COL14A1: variants seen among roughly 807,000 people sequenced by gnomAD.
COL14A1 encodes the protein collagen type XIV alpha 1 chain, also known as collagen alpha-1(XIV) chain.
In COL14A1, 136 loss-of-function variants were observed where a neutral mutation model predicts 230.3. That is an observed-to-expected ratio of 0.59 (90% confidence interval 0.51 to 0.68). The LOEUF is 0.68. Among genes scored for constraint, COL14A1 ranks in the 30% least tolerant of loss-of-function variants. COL14A1 has a pLI of 0.00. For synonymous variants in COL14A1, 792 were observed against 784.1 expected (o/e 1.01, Z -0.17); for missense variants, 1,976 against 2,215.8 (o/e 0.89, Z 2.17).
intron 42 of COL14A1, among the ~76,000 whole-genome samples, chr8:120,337,852 A>C (rs1460114109): frequency 1.3e-5 from 2 of 152,194 alleles, no homozygotes; most frequent in African/African-American, 4.8e-5. Context: ...ATGTCAGAGA[A>C]GTTGGAATAA....
At chr8:120,152,456 C>T (rs1398470949) in intron 2 of COL14A1, among the ~76,000 whole-genome samples, 3 of 109,654 alleles carry the variant, frequency 2.7e-5, no homozygotes, top group African/African-American at 7.4e-5. Context: ...GGCGACACAG[C>T]GAGATTCCAT....
intron 36 of COL14A1, 94 bp downstream of exon 36, chr8:120,300,912 G>C (rs1327977498): frequency 1.1e-6 from 1 of 943,354 alleles, no homozygotes; most frequent in Non-Finnish European, 1.6e-6. Context: ...GTACTAAATG[G>C]CTATTACTCA....
At chr8:120,341,930 G>T (rs1283936053) in intron 43 of COL14A1, among the ~76,000 whole-genome samples, 1 of 152,144 alleles carries the variant, frequency 6.6e-6, no homozygotes, top group Non-Finnish European at 1.5e-5. Flanking sequence ...GTGGCCTTGG[G>T]CTCATCCAAT....
intron 34 of COL14A1, among the ~76,000 whole-genome samples, chr8:120,294,299 A>C (rs1300036312): frequency 6.6e-6 from 1 of 151,778 alleles, no homozygotes; most frequent in Admixed American, 6.6e-5. Context: ...ATTTGACCCC[A>C]AGTGACTTGC....
At chr8:120,328,440 C>T (rs1019107625) in intron 40 of COL14A1, among the ~76,000 whole-genome samples, 2 of 151,432 alleles carry the variant, frequency 1.3e-5, no homozygotes, top group East Asian at 2.0e-4. Context: ...TTATGTTGCC[C>T]AGGCTAGTCT....
intron 2 of COL14A1, among the ~76,000 whole-genome samples, 197 bp downstream of exon 2, chr8:120,148,127 T>A (rs1815157166): frequency 1.3e-5 from 2 of 151,740 alleles, no homozygotes; most frequent in African/African-American, 4.8e-5. Context: ...TTGTGGCAAT[T>A]GGTTAAATAG....
At chr8:120,355,320 A>G (rs552248431) in intron 45 of COL14A1, among the ~76,000 whole-genome samples, 1 of 152,302 alleles carries the variant, frequency 6.6e-6, no homozygotes, top group East Asian at 1.9e-4. Flanking sequence ...AAACAAGTCA[A>G]CAATAAGTTT....
At chr8:120,367,145 A>G (rs753090488) in intron 45 of COL14A1, 26 bp from the exon 46 acceptor site, 3 of 1,536,444 alleles carry the variant, frequency 2.0e-6, no homozygotes, top group South Asian at 2.5e-5. Flanking sequence ...AGAACTTTAA[A>G]CATTTTTAAA....
At chr8:120,211,185 C>G (rs1169553758) in intron 12 of COL14A1, among the ~76,000 whole-genome samples, 1 of 152,082 alleles carries the variant, frequency 6.6e-6, no homozygotes, top group Non-Finnish European at 1.5e-5. Flanking sequence ...AGGGAAACAT[C>G]TTGCAAGCAT....
At chr8:120,160,768 C>T (rs1815637195) in intron 3 of COL14A1, among the ~76,000 whole-genome samples, 1 of 152,166 alleles carries the variant, frequency 6.6e-6, no homozygotes, top group African/African-American at 2.4e-5. Context: ...ATTGTTTCTG[C>T]CAGCCTTTCT....
chr8:120,163,977 C>T (rs1815778387), intron 4 of COL14A1, among the ~76,000 whole-genome samples: 2 of 152,104 alleles, frequency 1.3e-5, no homozygotes, highest in South Asian at 4.1e-4. Context: ...CAGCAACATC[C>T]TCTTCCTGAA....
Position 120,297,572 on chromosome 8 carries a change from G to A in COL14A1, c.4298G>A (p.Cys1433Tyr). ...TCATGGGCCAATACAGACAAATGCT[G>A]TGAACTTCCAGGCCTGGTAAGAATT... ...STSWANTDKC[C>Y]ELPGLRDDES... is the part of the protein sequence containing the mutation. The change falls in exon 35 of 48, where the codon TGT becomes TAT. Residue 1433 changes from cysteine to tyrosine, a missense_variant. Transcript: ENST00000297848. The A allele has an allele frequency of 7.1e-7, 1 of 1,415,290 alleles. No homozygotes were observed. The allele number at this position is 1,415,290 out of a possible 1,614,324, so 87.7% of individuals were successfully genotyped here.
rs1820468693 is a variant in COL14A1, at chr8:120,294,594, T to C, written c.4237-2917T>C. Among the ~76,000 whole-genome samples the C allele has an allele frequency of 2.1e-4, 2 of 9,480 alleles. 1 individual carries two copies. The highest frequency in any genetic ancestry group is 0.018 in the South Asian group (2 of 114). 6.2% of individuals were successfully genotyped at this position (9,480 alleles called of 152,430 possible). ...CATTTTAAGGTACTCAAATATGAGA[T>C]CTTTGACATACCACCTTGTACTGTC... On this transcript the variant is annotated intron_variant, in intron 34 of 47. Transcript: ENST00000297848.
chr8:120,141,905 T>A (rs1011462282), intron 1 of COL14A1, among the ~76,000 whole-genome samples: 12 of 152,178 alleles, frequency 7.9e-5, no homozygotes, highest in Non-Finnish European at 1.2e-4. Flanking sequence ...TAATTTTTAA[T>A]TTCTTTTTGT....
At chr8:120,294,738 A>G (rs754260657) in intron 34 of COL14A1, among the ~76,000 whole-genome samples, 3 of 151,836 alleles carry the variant, frequency 2.0e-5, no homozygotes, top group Non-Finnish European at 4.4e-5. Context: ...CCCTAAATAA[A>G]GGCTGAGGAA....
At chr8:120,213,251 A>G (rs560711118) in intron 13 of COL14A1, among the ~76,000 whole-genome samples, 2 of 152,168 alleles carry the variant, frequency 1.3e-5, no homozygotes, top group Non-Finnish European at 1.5e-5. Context: ...GGTATAAACA[A>G]TATTACTGTG....
intron 1 of COL14A1, among the ~76,000 whole-genome samples, chr8:120,136,489 A>G (rs1180998843): frequency 6.6e-6 from 1 of 152,120 alleles, no homozygotes; most frequent in Non-Finnish European, 1.5e-5. Context: ...ATGCTAAATG[A>G]TTTAAAAATA....
chr8:120,287,233 T>C (rs909398912), intron 33 of COL14A1, among the ~76,000 whole-genome samples: 6 of 151,856 alleles, frequency 4.0e-5, no homozygotes, highest in African/African-American at 1.5e-4. Context: ...AAAAAACAAC[T>C]TGCTTTTTTT....
intron 9 of COL14A1, 85 bp from the exon 10 acceptor site, chr8:120,206,858 A>G: frequency 4.6e-6 from 6 of 1,303,640 alleles, no homozygotes; most frequent in Non-Finnish European, 6.2e-6. Flanking sequence ...TAAAATCAAT[A>G]TTTATTTCTG....
Sources: allele counts gnomAD v4.1 joint callset (sites outside exome capture counted in the v4.1 genomes callset), GRCh38; gene constraint gnomAD v4.1.1; transcripts MANE v1.5; gene names NCBI Gene and HGNC (gene_info 2026-07-23, HGNC 2026-07-21).